Variants in KLHL3 observed in about 807,000 individuals in gnomAD.
KLHL3 encodes kelch-like protein 3.
A neutral mutation model predicts 70.5 loss-of-function variants in KLHL3; 19 were observed. The ratio of observed to expected loss-of-function variants is 0.27; its 90% CI spans 0.19 to 0.40. KLHL3 has a LOEUF of 0.40. Ranked by LOEUF, KLHL3 falls within the 10% of genes least tolerant of loss-of-function variation. The probability of loss-of-function intolerance (pLI) is 1.00; values close to 1 mark genes in which losing one functional copy is unlikely to be tolerated. For synonymous variants in KLHL3, 258 were observed against 290.3 expected (o/e 0.89, Z 1.13); for missense variants, 512 against 771.1 (o/e 0.66, Z 3.98).
chr5:137,711,682 C>A (rs1264160269), intron 2 of KLHL3, among the ~76,000 whole-genome samples: 3 of 152,134 alleles, frequency 2.0e-5, no homozygotes, highest in Non-Finnish European at 4.4e-5. Context: ...GGCTATGAGA[C>A]CATGGGCAAA....
chr5:137,712,972 C>T (rs894846078), intron 2 of KLHL3, among the ~76,000 whole-genome samples: 2 of 151,256 alleles, frequency 1.3e-5, no homozygotes, highest in African/African-American at 4.9e-5. Flanking sequence ...CTTCACTTTT[C>T]CTCCATATCT....
At chr5:137,686,212 C>G (rs2149913172) in intron 5 of KLHL3, among the ~76,000 whole-genome samples, 1 of 152,300 alleles carries the variant, frequency 6.6e-6, no homozygotes, top group Non-Finnish European at 1.5e-5. Context: ...AATCCTTCCT[C>G]CCCAAAAGTG....
In KLHL3 at chr5:137,635,785, C is replaced by T. The variant is rs753761571; in HGVS notation, c.1321+1509G>A. ...AAACAAATTCCCAGCCTGTCTTCCA[C>T]GTCAACAGGGCATGCTACAAGACAG... On this transcript the variant is annotated intron_variant, in intron 11 of 14. Coordinates refer to ENST00000309755, the MANE Select transcript of KLHL3 (RefSeq NM_017415.3). 7.6e-4 allele frequency among the ~76,000 whole-genome samples: 115 copies of T among 152,272 alleles called. 1 individual carries two copies. Among genetic ancestry groups the T allele is most frequent in the Admixed American group, 2.0e-3 (30 of 15,302 alleles).
chr5:137,735,596 T>TAC lies in KLHL3; in HGVS notation c.14+35_14+36dup, dbSNP rs747667339. ...CACCGCAAGCACACATACACTTACATACACACACAACACAGCACACACTTA... is the reference window on the plus strand; with the variant it reads ...CACCGCAAGCACACATACACTTACATACACACACACAACACAGCACACACTTA... On this transcript the variant is annotated intron_variant, in intron 1 of 14. Coordinates refer to ENST00000309755, the MANE Select transcript of KLHL3 (RefSeq NM_017415.3). 2.8e-4 allele frequency: 422 copies of TAC among 1,514,690 alleles called. 3 individuals are homozygous for TAC. The highest frequency in any genetic ancestry group is 3.4e-4 in the Middle Eastern group (2 of 5,884). 93.8% of individuals were successfully genotyped at this position (1,514,690 alleles called of 1,614,324 possible).
At chr5:137,696,625 T>C (rs1752449975) in intron 4 of KLHL3, among the ~76,000 whole-genome samples, 1 of 152,184 alleles carries the variant, frequency 6.6e-6, no homozygotes. Flanking sequence ...TTCTGATCAT[T>C]CATTTCATGA....
rs1036136887 is a variant in KLHL3 at position 137,619,991 on chromosome 5, C to T, written c.*2107G>A. The T allele has an allele frequency of 6.6e-6, 1 of 152,166 alleles. No homozygotes were observed. The highest frequency in any genetic ancestry group is 2.4e-5 in the African/African-American group (1 of 41,382). The allele number at this position is 152,166 out of a possible 1,614,324, so 9.4% of individuals were successfully genotyped here. ...ATCAGATCCCAACCCCAGCCTCATC[C>T]CCATCACACAGACACACCGAAACAA... On this transcript the variant is annotated 3_prime_UTR_variant, in exon 15 of 15. Transcript: ENST00000309755.
At chr5:137,690,850 G>A (rs567440136) in intron 5 of KLHL3, among the ~76,000 whole-genome samples, 16 of 152,154 alleles carry the variant, frequency 1.1e-4, no homozygotes, top group Admixed American at 2.0e-4. Flanking sequence ...CAGGAGACAC[G>A]GAACAGAATA....
intron 5 of KLHL3, among the ~76,000 whole-genome samples, chr5:137,684,468 A>G (rs1164543611): frequency 6.6e-6 from 1 of 152,170 alleles, no homozygotes; most frequent in Non-Finnish European, 1.5e-5. Context: ...AATCAATCAA[A>G]AAAAGGCCAT....
intron 5 of KLHL3, among the ~76,000 whole-genome samples, chr5:137,679,727 T>C (rs1009769291): frequency 1.1e-4 from 17 of 152,162 alleles, no homozygotes; most frequent in African/African-American, 4.1e-4. Context: ...AGGGTTTGAA[T>C]CTAAACCCCT....
chr5:137,655,350 C>CTAT (rs1751310740), intron 8 of KLHL3, among the ~76,000 whole-genome samples: 1 of 152,148 alleles, frequency 6.6e-6, no homozygotes, highest in Admixed American at 6.5e-5. Flanking sequence ...TCATCATTTG[C>CTAT]AATACCAATA....
intron 8 of KLHL3, among the ~76,000 whole-genome samples, chr5:137,650,644 AC>A (rs1356727949): frequency 6.6e-6 from 1 of 151,990 alleles, no homozygotes; most frequent in Non-Finnish European, 1.5e-5. Flanking sequence ...ACATGGTGAA[AC>A]CCCATCTCTA....
At chr5:137,705,466 T>C (rs963839437) in intron 3 of KLHL3, among the ~76,000 whole-genome samples, 1 of 152,206 alleles carries the variant, frequency 6.6e-6, no homozygotes, top group Non-Finnish European at 1.5e-5. Flanking sequence ...CTACTTACCA[T>C]ATATTCAAAG....
At chr5:137,672,325 G>A (rs1312916199) in intron 6 of KLHL3, among the ~76,000 whole-genome samples, 3 of 152,210 alleles carry the variant, frequency 2.0e-5, no homozygotes, top group African/African-American at 7.2e-5. Context: ...TGCTGGAAAG[G>A]CAAGGAATTC....
intron 3 of KLHL3, among the ~76,000 whole-genome samples, chr5:137,700,794 A>C (rs938376545): frequency 6.6e-6 from 1 of 152,238 alleles, no homozygotes; most frequent in African/African-American, 2.4e-5. Flanking sequence ...TTATTTTCTG[A>C]GAAAGCTTGT....
intron 3 of KLHL3, among the ~76,000 whole-genome samples, chr5:137,708,119 C>G (rs1752720280): frequency 6.6e-6 from 1 of 152,204 alleles, no homozygotes; most frequent in Non-Finnish European, 1.5e-5. Flanking sequence ...AGATACTGAA[C>G]TTAGCTAGTT....
At chr5:137,673,605 T>C (rs960148127) in intron 6 of KLHL3, 1 of 152,170 alleles carries the variant, frequency 6.6e-6, no homozygotes. Flanking sequence ...CTGTCCTTAC[T>C]CTCTAGAAAA....
chr5:137,666,232 G>A (rs1459312819), intron 6 of KLHL3, among the ~76,000 whole-genome samples: 1 of 152,230 alleles, frequency 6.6e-6, no homozygotes, highest in Non-Finnish European at 1.5e-5. Context: ...GCAGAGAGCA[G>A]GGCTGGGGAA....
At position 137,723,779 on chromosome 5, in the gene KLHL3, T is replaced by G. The variant is rs187468003; in HGVS notation, c.15-3195A>C. On this transcript the variant is annotated intron_variant, in intron 1 of 14. Transcript: ENST00000309755. ...CAATGTCAAACAGAAAGGATGCTAATGAATAGTATTGTCATATTCCTGCTT... is the reference window on the plus strand; with the variant it reads ...CAATGTCAAACAGAAAGGATGCTAAGGAATAGTATTGTCATATTCCTGCTT... 4.5e-3 allele frequency among the ~76,000 whole-genome samples: 691 copies of G among 152,368 alleles called. 10 individuals are homozygous for G. The highest frequency in any genetic ancestry group is 3.5e-3 in the Non-Finnish European group (241 of 68,026).
intron 10 of KLHL3, 144 bp from the exon 11 acceptor site, chr5:137,637,539 G>A (rs954481571): frequency 8.0e-5 from 53 of 666,632 alleles, no homozygotes; most frequent in Middle Eastern, 2.7e-4. Flanking sequence ...ATCACCATGC[G>A]GCCTGTGGCA....
Sources: allele counts gnomAD v4.1 joint callset (sites outside exome capture counted in the v4.1 genomes callset), GRCh38; gene constraint gnomAD v4.1.1; transcripts MANE v1.5; gene names NCBI Gene and HGNC (gene_info 2026-07-23, HGNC 2026-07-21).